NDUFB7: variants seen among roughly 807,000 people sequenced by gnomAD.
NDUFB7 encodes the protein NADH:ubiquinone oxidoreductase subunit B7, also known as NADH dehydrogenase [ubiquinone] 1 beta subcomplex subunit 7.
NDUFB7 carries 18 observed loss-of-function variants against 14.7 expected under a neutral mutation model. The observed-to-expected ratio is 1.22, with a 90% CI of 0.85 to 1.81. The LOEUF (loss-of-function observed/expected upper bound fraction) is 1.81. NDUFB7 is among the 40% of genes most tolerant of loss of function. The pLI is 0.00. For synonymous variants in NDUFB7, 86 were observed against 76.1 expected, an observed-to-expected ratio of 1.13 and a Z score of -0.68; for missense variants, 219 against 195.0, an observed-to-expected ratio of 1.12 and a Z score of -0.73.
At chr19:14,571,648 C>T (rs1235903007) in intron 1 of NDUFB7, among the ~76,000 whole-genome samples, 2 of 152,100 alleles carry the variant, frequency 1.3e-5, no homozygotes, top group African/African-American at 4.8e-5. Context: ...GCATTCCTGC[C>T]CGAACCCCCA....
In NDUFB7 at chr19:14,570,911, C is replaced by A. The variant is rs77089625; in HGVS notation, c.112+978G>T. On this transcript the variant is annotated intron_variant, in intron 1 of 2. Transcript: ENST00000215565. ...TAGTGGCTCACATCTTCAATCCCAGCACTTTGGGAGGCTGGGCAGAAGGAT... is the reference window on the plus strand; with the variant it reads ...TAGTGGCTCACATCTTCAATCCCAGAACTTTGGGAGGCTGGGCAGAAGGAT... Among the ~76,000 whole-genome samples the A allele has an allele frequency of 3.5e-3, 540 of 152,240 alleles. 11 individuals carry two copies. Among genetic ancestry groups the A allele is most frequent in the East Asian group, 0.014 (75 of 5,180 alleles).
chr19:14,566,152 T>C lies in NDUFB7; in HGVS notation c.395A>G (p.Asp132Gly). Residue 132 changes from aspartate (D) to glycine (G), a missense_variant, in exon 3 of 3, where the codon GAC (aspartate) becomes GGC (glycine). Physicochemically the swap from Asp to Gly is moderately conservative, Grantham distance 94. Transcript: ENST00000215565. ...LAKGQGPGEVDPKVAL is the reference protein window; with the variant it reads ...LAKGQGPGEVGPKVAL ...CACCCCCTACAGGGCCACCTTGGGGTCCACTTCCCCGGGTCCCTGGCCTTT... is the reference window on the plus strand; with the variant it reads ...CACCCCCTACAGGGCCACCTTGGGGCCCACTTCCCCGGGTCCCTGGCCTTT... 5.0e-6 allele frequency: 8 copies of C among 1,612,248 alleles called. No homozygotes were observed. The highest frequency in any genetic ancestry group is 3.4e-6 in the Non-Finnish European group (4 of 1,179,322).
Position 14,566,280 on chromosome 19 carries a change from CG to C in NDUFB7, c.282-16del. ...GCATCACATAGCTGGGGGAAAAGCA[CG>C]AGAGGGGCTGTCAGGGTCCCTGGCC... is the stretch of plus-strand genomic sequence containing the variant. On this transcript the variant is annotated splice_polypyrimidine_tract_variant and intron_variant, in intron 2 of 2. Coordinates refer to ENST00000215565, the MANE Select transcript of NDUFB7 (RefSeq NM_004146.6). The C allele has an allele frequency of 6.2e-7, 1 of 1,613,664 alleles. No individual in the cohort carries two copies. The highest frequency in any genetic ancestry group is 8.5e-7 in the Non-Finnish European group (1 of 1,179,978).
intron 1 of NDUFB7, among the ~76,000 whole-genome samples, chr19:14,570,779 G>C (rs533310031): frequency 2.0e-5 from 3 of 152,178 alleles, no homozygotes; most frequent in Non-Finnish European, 4.4e-5. Flanking sequence ...TGCTGTATCC[G>C]CGGTGCCTAA....
rs1351211613 is a variant in NDUFB7, at chr19:14,567,603, A to G, written c.113-670T>C. Among the ~76,000 whole-genome samples the G allele has an allele frequency of 6.6e-6, 1 of 151,990 alleles. No homozygotes were observed. The highest frequency in any genetic ancestry group is 1.5e-5 in the Non-Finnish European group (1 of 67,990). On this transcript the variant is annotated intron_variant, in intron 1 of 2. Transcript: ENST00000215565. The surrounding 1 kb of genome is among the most constrained non-coding windows in gnomAD (Gnocchi z 5.1). ...TCAGGAGGGGGCCGATGGGAGCATG[A>G]GGAATCCTGGACACTCACCCCGGAG... is the stretch of plus-strand genomic sequence containing the variant.
chr19:14,567,001 G>A lies in NDUFB7; in HGVS notation c.113-68C>T. Reference sequence around the variant, plus strand: ...ACCCCAATTCCGGGGATCCCCAGGGGACCGAGGCACACGGCTTCAGGAAGG... The same window carrying A: ...ACCCCAATTCCGGGGATCCCCAGGGAACCGAGGCACACGGCTTCAGGAAGG... On this transcript the variant is annotated intron_variant, in intron 1 of 2. Transcript: ENST00000215565. The surrounding 1 kb of genome is among the most constrained non-coding windows in gnomAD (Gnocchi z 5.1). 6.8e-7 allele frequency: 1 copy of A among 1,475,730 alleles called. No homozygotes were observed. The highest frequency in any genetic ancestry group is 9.1e-7 in the Non-Finnish European group (1 of 1,103,976). 91.4% of individuals were successfully genotyped at this position (1,475,730 alleles called of 1,614,324 possible).
At chr19:14,566,738 G>T in intron 2 of NDUFB7, 27 bp downstream of exon 2, 1 of 1,527,810 alleles carries the variant, frequency 6.5e-7, no homozygotes, top group East Asian at 2.5e-5. Flanking sequence ...GGGCCGGGGT[G>T]TTGGGGGCTG....
rs1261767316 is a variant in NDUFB7 at position 14,567,239 on chromosome 19, G to A, written c.113-306C>T. 2.0e-5 allele frequency among the ~76,000 whole-genome samples: 3 copies of A among 151,948 alleles called. No individual in the cohort carries two copies. Among genetic ancestry groups the A allele is most frequent in the Admixed American group, 1.3e-4 (2 of 15,254 alleles). On this transcript the variant is annotated intron_variant, in intron 1 of 2. Coordinates refer to ENST00000215565, the MANE Select transcript of NDUFB7 (RefSeq NM_004146.6). The surrounding 1 kb of genome is among the most constrained non-coding windows in gnomAD (Gnocchi z 5.1). ...TGCCTCCCCTCCCACAGGGATGCCC[G>A]TCCCCAGCTCTCTACAGCCCCGCTC...
At chr19:14,569,904 G>GT (rs1051253554) in intron 1 of NDUFB7, among the ~76,000 whole-genome samples, 57 of 152,166 alleles carry the variant, frequency 3.7e-4, no homozygotes, top group African/African-American at 1.2e-3. Flanking sequence ...GTTTTGTTTT[G>GT]TTTTTTCAGA....
chr19:14,566,667 TG>T, intron 2 of NDUFB7, 97 bp downstream of exon 2: 2 of 772,666 alleles, frequency 2.6e-6, no homozygotes, highest in Non-Finnish European at 3.5e-6. Flanking sequence ...TTGGGCGGGC[TG>T]GGCATGTGGG....
intron 1 of NDUFB7, among the ~76,000 whole-genome samples, chr19:14,570,360 C>T (rs2074117757): frequency 6.6e-6 from 1 of 152,020 alleles, no homozygotes; most frequent in Non-Finnish European, 1.5e-5. Context: ...CCACCACGCC[C>T]CTGGCTAATT....
At position 14,567,289 on chromosome 19, in the gene NDUFB7, CCTT is replaced by C. The variant is rs1458799063; in HGVS notation, c.113-359_113-357del. On this transcript the variant is annotated intron_variant, in intron 1 of 2. Transcript: ENST00000215565. The surrounding 1 kb of genome is among the most constrained non-coding windows in gnomAD (Gnocchi z 5.1). Reference sequence around the variant, plus strand: ...CTCCAGAGTCCGAGTTCAGAATCCACCTTCTCCCAGAGTAACCCTCAGCCCCTC... The same window carrying C: ...CTCCAGAGTCCGAGTTCAGAATCCACCTCCCAGAGTAACCCTCAGCCCCTC... 2.0e-5 allele frequency among the ~76,000 whole-genome samples: 3 copies of C among 152,148 alleles called. No individual in the cohort carries two copies. The highest frequency in any genetic ancestry group is 4.4e-5 in the Non-Finnish European group (3 of 68,012).
At chr19:14,571,582 A>C (rs1035362229) in intron 1 of NDUFB7, among the ~76,000 whole-genome samples, 3 of 149,808 alleles carry the variant, frequency 2.0e-5, no homozygotes, top group Non-Finnish European at 4.4e-5. Context: ...TGAAAGAAAA[A>C]GCGAGACTCC....
intron 2 of NDUFB7, 123 bp downstream of exon 2, chr19:14,566,639 CGGG>C (rs2074088788): frequency 1.9e-6 from 1 of 539,406 alleles, no homozygotes; most frequent in Non-Finnish European, 2.7e-6. Context: ...TGGGTGTTGG[CGGG>C]GGTGGGAGGG....
intron 1 of NDUFB7, among the ~76,000 whole-genome samples, chr19:14,570,986 C>T (rs2146644530): frequency 6.6e-6 from 1 of 151,952 alleles, no homozygotes; most frequent in Middle Eastern, 3.4e-3. Flanking sequence ...AGCAAGACCC[C>T]CAACTCTACA....
chr19:14,572,037 G>T lies in NDUFB7; in HGVS notation c.-37C>A, dbSNP rs755855447. The T allele has an allele frequency of 4.7e-6, 7 of 1,501,916 alleles. No individual in the cohort carries two copies. The highest frequency in any genetic ancestry group is 6.3e-6 in the Non-Finnish European group (7 of 1,105,796). 93.0% of individuals were successfully genotyped at this position (1,501,916 alleles called of 1,614,324 possible). ...CTGCAGATCCCTGCAGCAGCCGAGG[G>T]TCACCTAGCTCCTACCCGGAACCAC... On this transcript the variant is annotated 5_prime_UTR_variant, in exon 1 of 3. Transcript: ENST00000215565.
At position 14,571,735 on chromosome 19, in the gene NDUFB7, G is replaced by A. The variant is rs145439184; in HGVS notation, c.112+154C>T. Reference sequence around the variant, plus strand: ...CTGGAACGCCTCCACACTGAGGTGGGGTCATGCACGTCCTGTGGACTCCTA... The same window carrying A: ...CTGGAACGCCTCCACACTGAGGTGGAGTCATGCACGTCCTGTGGACTCCTA... On this transcript the variant is annotated intron_variant, in intron 1 of 2. Transcript: ENST00000215565. Among the ~76,000 whole-genome samples, 374 of 152,368 alleles carry A rather than the reference G, an allele frequency of 2.5e-3. 2 individuals are homozygous for A. The highest frequency in any genetic ancestry group is 8.7e-3 in the African/African-American group (363 of 41,586).
At chr19:14,566,981 A>G (rs1304352329) in intron 1 of NDUFB7, 48 bp from the exon 2 acceptor site, 1 of 1,517,592 alleles carries the variant, frequency 6.6e-7, no homozygotes, top group South Asian at 1.2e-5. Context: ...TCCCCACCCC[A>G]ATTCCGGGGA....
intron 1 of NDUFB7, among the ~76,000 whole-genome samples, chr19:14,569,471 A>G (rs1223381996): frequency 6.6e-6 from 1 of 151,786 alleles, no homozygotes; most frequent in African/African-American, 2.4e-5. Flanking sequence ...TTTTTTTCTT[A>G]TCTCCCCGCC....
Sources: allele counts gnomAD v4.1 joint callset (sites outside exome capture counted in the v4.1 genomes callset), GRCh38; gene constraint gnomAD v4.1.1; non-coding constraint Gnocchi (gnomAD v3.1); transcripts MANE v1.5; gene names NCBI Gene and HGNC (gene_info 2026-07-23, HGNC 2026-07-21).